PCDH11X: variants seen among roughly 807,000 people sequenced by gnomAD.
PCDH11X encodes the protein protocadherin 11 X-linked.
In PCDH11X, 18 loss-of-function variants were observed where a neutral mutation model predicts 53.3. The ratio of observed to expected loss-of-function variants is 0.34; its 90% CI spans 0.23 to 0.50. PCDH11X has a LOEUF of 0.50. PCDH11X is among the 20% of genes least tolerant of loss of function. The pLI is 0.98. For synonymous variants in PCDH11X, 279 were observed against 393.3 expected (o/e 0.71, Z 3.44); for missense variants, 570 against 1,032.4 (o/e 0.55, Z 6.14).
At chrX:92,536,268 C>G (rs931023540) in intron 10 of PCDH11X, among the ~76,000 whole-genome samples, 1 of 111,249 alleles carries the variant, frequency 9.0e-6, no homozygotes, top group African/African-American at 3.3e-5. Context: ...CATTTTTATA[C>G]AGGCTATTTT....
intron 10 of PCDH11X, among the ~76,000 whole-genome samples, chrX:92,469,453 T>A (rs2073217868): frequency 9.0e-6 from 1 of 111,567 alleles, no homozygotes; most frequent in African/African-American, 3.2e-5. Context: ...TGTTGGGTAA[T>A]GCTCAAAGAG....
intron 6 of PCDH11X, among the ~76,000 whole-genome samples, chrX:92,032,042 G>C (rs1416580190): frequency 9.0e-6 from 1 of 111,673 alleles, no homozygotes; most frequent in Non-Finnish European, 1.9e-5. Context: ...TATTCTTTTA[G>C]GGATTGCGTT....
intron 7 of PCDH11X, among the ~76,000 whole-genome samples, chrX:92,232,838 C>G (rs2067102421): frequency 9.0e-6 from 1 of 111,523 alleles, no homozygotes; most frequent in African/African-American, 3.3e-5. Context: ...GCCTCAGCAT[C>G]GCGAGTAGCT....
chrX:91,864,685 G>A (rs1318093268), intron 5 of PCDH11X, among the ~76,000 whole-genome samples: 2 of 100,224 alleles, frequency 2.0e-5, no homozygotes, highest in Non-Finnish European at 4.0e-5. Flanking sequence ...GATCCTGTGG[G>A]CATGCTTCGT....
chrX:92,490,973 C>T (rs953917507), intron 10 of PCDH11X, among the ~76,000 whole-genome samples: 2 of 107,712 alleles, frequency 1.9e-5, no homozygotes, highest in African/African-American at 6.7e-5. Flanking sequence ...TAATTAACTA[C>T]GAAAAGGTCA....
At chrX:92,556,634 C>T (rs760923406) in intron 10 of PCDH11X, among the ~76,000 whole-genome samples, 13 of 112,093 alleles carry the variant, frequency 1.2e-4, no homozygotes, top group African/African-American at 3.9e-4. Flanking sequence ...CAGCCCTGCT[C>T]TGGGCTGCTT....
At chrX:92,607,415 A>T (rs1345582465) in intron 10 of PCDH11X, among the ~76,000 whole-genome samples, 2 of 111,846 alleles carry the variant, frequency 1.8e-5, no homozygotes, top group Non-Finnish European at 3.8e-5. Flanking sequence ...TATGTACAGT[A>T]TAGGCAAATC....
chrX:92,441,838 T>G (rs1205683345), intron 9 of PCDH11X, among the ~76,000 whole-genome samples: 1 of 110,560 alleles, frequency 9.0e-6, no homozygotes, highest in Non-Finnish European at 1.9e-5. Flanking sequence ...GTAGATCCAC[T>G]GACAGCTTTC....
intron 10 of PCDH11X, among the ~76,000 whole-genome samples, chrX:92,549,886 G>T (rs1042858039): frequency 5.4e-5 from 6 of 111,490 alleles, no homozygotes; most frequent in African/African-American, 2.0e-4. Context: ...AATGCATAGT[G>T]ATCAAATCAG....
intron 8 of PCDH11X, among the ~76,000 whole-genome samples, chrX:92,319,689 A>T (rs2069156628): frequency 9.0e-6 from 1 of 110,995 alleles, no homozygotes; most frequent in Non-Finnish European, 1.9e-5. Context: ...TGAAATGCAG[A>T]TAAGCACACC....
intron 9 of PCDH11X, among the ~76,000 whole-genome samples, chrX:92,407,346 T>A (rs762192428): frequency 9.1e-6 from 1 of 110,428 alleles, no homozygotes; most frequent in East Asian, 2.9e-4. Context: ...TACTCTTGGG[T>A]ATTTACCTGT....
chrX:92,093,029 C>T (rs138271255), intron 6 of PCDH11X, among the ~76,000 whole-genome samples: 86 of 111,675 alleles, frequency 7.7e-4, no homozygotes, highest in Middle Eastern at 4.7e-3. Context: ...CTTCCTCCTC[C>T]TATGGCCATG....
At chrX:92,544,782 A>G (rs1476636821) in intron 10 of PCDH11X, among the ~76,000 whole-genome samples, 1 of 109,422 alleles carries the variant, frequency 9.1e-6, no homozygotes, top group African/African-American at 3.3e-5. Context: ...AATGTCTTTT[A>G]TGGAGGAAAT....
At chrX:92,581,549 C>T (rs1277574549) in intron 10 of PCDH11X, among the ~76,000 whole-genome samples, 29 of 111,892 alleles carry the variant, frequency 2.6e-4, no homozygotes, top group Non-Finnish European at 3.2e-4. Flanking sequence ...CCTCCCCAGC[C>T]ACGTGAACTG....
chrX:91,803,176 C>A (rs2147544227), intron 1 of PCDH11X, among the ~76,000 whole-genome samples: 1 of 111,224 alleles, frequency 9.0e-6, no homozygotes, highest in African/African-American at 3.3e-5. Context: ...ATAAGATAGG[C>A]ATTTGGATCA....
At chrX:92,535,685 A>C (rs1384862855) in intron 10 of PCDH11X, among the ~76,000 whole-genome samples, 2 of 111,959 alleles carry the variant, frequency 1.8e-5, no homozygotes, top group African/African-American at 3.2e-5. Context: ...AAATTAAATT[A>C]GATCATATCA....
chrX:92,417,501 C>T (rs907568866), intron 9 of PCDH11X, among the ~76,000 whole-genome samples: 1 of 111,025 alleles, frequency 9.0e-6, no homozygotes, highest in African/African-American at 3.3e-5. Flanking sequence ...CTTTTTATTA[C>T]TTACAATAGT....
At chrX:92,421,194 A>G (rs1166693017) in intron 9 of PCDH11X, among the ~76,000 whole-genome samples, 1 of 111,708 alleles carries the variant, frequency 9.0e-6, no homozygotes, top group Admixed American at 9.5e-5. Context: ...GCCTTGGTAT[A>G]CAGATTATTT....
chrX:92,367,456 C>A (rs1183648537), intron 8 of PCDH11X, among the ~76,000 whole-genome samples: 2 of 110,974 alleles, frequency 1.8e-5, no homozygotes, highest in African/African-American at 6.6e-5. Flanking sequence ...TCCAATTTGC[C>A]AGTCTGTGTC....
Sources: allele counts gnomAD v4.1 joint callset (sites outside exome capture counted in the v4.1 genomes callset), GRCh38; gene constraint gnomAD v4.1.1; transcripts MANE v1.5; gene names NCBI Gene and HGNC (gene_info 2026-07-23, HGNC 2026-07-21).